ELAVL2: variants seen among roughly 807,000 people sequenced by gnomAD.
ELAVL2 encodes ELAV like RNA binding protein 2.
Under a neutral mutation model 34.6 loss-of-function variants are expected in ELAVL2, and 4 were observed. The ratio of observed to expected loss-of-function variants is 0.12; its 90% CI spans 0.06 to 0.26. ELAVL2 has a LOEUF of 0.26. Among genes scored for constraint, ELAVL2 ranks in the 10% least tolerant of loss-of-function variants. The probability of loss-of-function intolerance (pLI) is 1.00; values close to 1 mark genes in which losing one functional copy is unlikely to be tolerated. For synonymous variants in ELAVL2, 193 were observed against 154.8 expected (o/e 1.25, Z -1.83); for missense variants, 432 against 442.8 (o/e 0.98, Z 0.22).
chr9:23,720,764 G>T (rs1361490095), intron 3 of ELAVL2, among the ~76,000 whole-genome samples: 1 of 152,152 alleles, frequency 6.6e-6, no homozygotes, highest in African/African-American at 2.4e-5. Context: ...AAGCACCACA[G>T]ACCTACCCAA....
intron 1 of ELAVL2, among the ~76,000 whole-genome samples, chr9:23,820,870 G>A (rs901547329): frequency 1.3e-5 from 2 of 152,136 alleles, no homozygotes; most frequent in East Asian, 3.9e-4. Context: ...CGCAGCGCAC[G>A]CCTCGCGCGC....
intron 1 of ELAVL2, among the ~76,000 whole-genome samples, chr9:23,810,794 A>G (rs542452164): frequency 5.6e-4 from 86 of 152,276 alleles, no homozygotes; most frequent in African/African-American, 1.6e-3. Flanking sequence ...AGCTGTGGCA[A>G]GTTTCTATAA....
intron 5 of ELAVL2, 146 bp downstream of exon 5, chr9:23,701,233 C>T: frequency 2.4e-6 from 2 of 833,730 alleles, no homozygotes; most frequent in African/African-American, 1.7e-5. Context: ...TCTCTCTGTG[C>T]CCATGGAGAT....
intron 5 of ELAVL2, among the ~76,000 whole-genome samples, 190 bp from the exon 6 acceptor site, chr9:23,693,676 G>C (rs1355093413): frequency 6.6e-6 from 1 of 152,142 alleles, no homozygotes; most frequent in African/African-American, 2.4e-5. Flanking sequence ...TTCTTCCAAT[G>C]AATGGTTTCT....
intron 2 of ELAVL2, among the ~76,000 whole-genome samples, chr9:23,758,232 G>A (rs1158842333): frequency 6.6e-6 from 1 of 152,046 alleles, no homozygotes; most frequent in Non-Finnish European, 1.5e-5. Context: ...AGGGTCCAAA[G>A]CTCCACAAAT....
intron 2 of ELAVL2, among the ~76,000 whole-genome samples, chr9:23,739,473 T>A (rs185743116): frequency 6.6e-6 from 1 of 152,204 alleles, no homozygotes; most frequent in African/African-American, 2.4e-5. Context: ...CAATTAAAAG[T>A]TTGGGTATGC....
At chr9:23,709,502 C>G (rs116742104) in intron 3 of ELAVL2, among the ~76,000 whole-genome samples, 95 of 152,006 alleles carry the variant, frequency 6.2e-4, no homozygotes, top group African/African-American at 2.2e-3. Flanking sequence ...TCATATGCAC[C>G]TACAGAATCA....
chr9:23,826,554 G>A (rs1326266460), upstream of ELAVL2, among the ~76,000 whole-genome samples: 2 of 152,190 alleles, frequency 1.3e-5, no homozygotes, highest in Non-Finnish European at 2.9e-5. Context: ...TAACACTGGC[G>A]GCGAAGGGAA....
Position 23,740,642 on chromosome 9 carries a change from G to GAAAGAAAAAAAAAATGACC in ELAVL2, c.230-9518_230-9517insGGTCATTTTTTTTTTCTTT, listed in dbSNP as rs1310079164. 2.8e-3 allele frequency among the ~76,000 whole-genome samples: 419 copies of GAAAGAAAAAAAAAATGACC among 151,748 alleles called. 1 individual carries two copies. Among genetic ancestry groups the GAAAGAAAAAAAAAATGACC allele is most frequent in the African/African-American group, 8.3e-3 (345 of 41,338 alleles). On this transcript the variant is annotated intron_variant, in intron 2 of 6. Coordinates refer to ENST00000397312, the MANE Select transcript of ELAVL2 (RefSeq NM_004432.5). ...TCTTAATCCATCCAAGAGACTATCT[G>GAAAGAAAAAAAAAATGACC]TGAAAGAAAAAAAAAATGACCTGAA...
the ELAVL2 span, among the ~76,000 whole-genome samples, chr9:23,836,890 A>G: frequency 1.3e-5 from 2 of 152,206 alleles, no homozygotes; most frequent in Non-Finnish European, 2.9e-5. Context: ...GGATACACCT[A>G]TTGACAACTG....
At chr9:23,776,793 AC>A (rs1318864150) in intron 1 of ELAVL2, among the ~76,000 whole-genome samples, 2 of 150,904 alleles carry the variant, frequency 1.3e-5, no homozygotes, top group Non-Finnish European at 1.5e-5. Flanking sequence ...TATGGAAACT[AC>A]CACTTCTAAC....
chr9:23,763,576 T>A (rs1019942432), intron 1 of ELAVL2, among the ~76,000 whole-genome samples: 1 of 151,804 alleles, frequency 6.6e-6, no homozygotes, highest in African/African-American at 2.4e-5. Context: ...AAAAGCAAAG[T>A]AAAGGGAAAG....
chr9:23,705,179 T>C (rs932155323), intron 3 of ELAVL2, 108 bp from the exon 4 acceptor site: 14 of 1,311,098 alleles, frequency 1.1e-5, no homozygotes, highest in African/African-American at 5.9e-5. Flanking sequence ...CATAGAACAC[T>C]GAAGTTCAAG....
intron 3 of ELAVL2, among the ~76,000 whole-genome samples, chr9:23,721,907 C>CT (rs1440808757): frequency 6.6e-6 from 1 of 152,194 alleles, no homozygotes; most frequent in Non-Finnish European, 1.5e-5. Context: ...AGTAAGGCTT[C>CT]TAGTCAACAG....
rs75621865 is a variant in ELAVL2, at chr9:23,712,926, A to G, written c.334-7855T>C. On this transcript the variant is annotated intron_variant, in intron 3 of 6. Coordinates refer to ENST00000397312, the MANE Select transcript of ELAVL2 (RefSeq NM_004432.5). ...AAAGTGTTTTGGCTGTAAGAACTGT[A>G]TATCAAGCAACTGATCATCAACTAC... is the stretch of plus-strand genomic sequence containing the variant. 9.5e-3 allele frequency among the ~76,000 whole-genome samples: 1,443 copies of G among 152,332 alleles called. 30 individuals are homozygous for G. The highest frequency in any genetic ancestry group is 0.033 in the African/African-American group (1,382 of 41,568).
Position 23,821,748 on chromosome 9 carries a change from C to G in ELAVL2, c.-16+4058G>C, listed in dbSNP as rs575551787. 4.1e-3 allele frequency: 621 copies of G among 149,684 alleles called. 4 individuals are homozygous for G. The highest frequency in any genetic ancestry group is 0.015 in the East Asian group (73 of 4,942). The allele number at this position is 149,684 out of a possible 1,614,324, so 9.3% of individuals were successfully genotyped here. On this transcript the variant is annotated intron_variant, in intron 1 of 6. Transcript: ENST00000397312. ...AGGGGACTGGAAGCCGGCGGAACCC[C>G]CGCCCCACCCGCGCCGCGCCGCGCC...
At position 23,690,584 on chromosome 9, in the gene ELAVL2, C is replaced by T. The variant is rs979916241; in HGVS notation, c.*1973G>A. On this transcript the variant is annotated 3_prime_UTR_variant, in exon 7 of 7. Transcript: ENST00000397312. Reference sequence around the variant, plus strand: ...AAACTCGCTTATTCACTTTAGCACGCGCCTCACAGTATATGTACTGTACTA... The same window carrying T: ...AAACTCGCTTATTCACTTTAGCACGTGCCTCACAGTATATGTACTGTACTA... 2.6e-5 allele frequency: 4 copies of T among 152,304 alleles called. No individual in the cohort carries two copies. Among genetic ancestry groups the T allele is most frequent in the Admixed American group, 6.6e-5 (1 of 15,230 alleles). 9.4% of individuals were successfully genotyped at this position (152,304 alleles called of 1,614,324 possible).
At chr9:23,712,089 G>C (rs1057506340) in intron 3 of ELAVL2, among the ~76,000 whole-genome samples, 1 of 152,068 alleles carries the variant, frequency 6.6e-6, no homozygotes, top group South Asian at 2.1e-4. Context: ...GCTGTGGGGC[G>C]GGGGGAGTCT....
chr9:23,694,634 A>T (rs1462248560), intron 5 of ELAVL2, among the ~76,000 whole-genome samples: 2 of 152,218 alleles, frequency 1.3e-5, no homozygotes, highest in African/African-American at 4.8e-5. Context: ...GCATCAAGTC[A>T]CGCTAAAGTA....
Sources: allele counts gnomAD v4.1 joint callset (sites outside exome capture counted in the v4.1 genomes callset), GRCh38; gene constraint gnomAD v4.1.1; transcripts MANE v1.5; gene names NCBI Gene and HGNC (gene_info 2026-07-23, HGNC 2026-07-21).